The following SHISA9 variants were observed in gnomAD, a reference collection of about 807,000 sequenced individuals.
The protein encoded by SHISA9 is shisa family member 9.
SHISA9 carries 13 observed loss-of-function variants against 38.0 expected under a neutral mutation model. The ratio of observed to expected loss-of-function variants is 0.34; its 90% CI spans 0.22 to 0.54. The LOEUF is 0.54. Ranked by LOEUF, SHISA9 falls within the 20% of genes least tolerant of loss-of-function variation. The pLI is 0.91. For missense variants in SHISA9, 538 were observed against 575.8 expected (o/e 0.93, Z 0.67); for synonymous variants, 275 against 242.0 (o/e 1.14, Z -1.27).
the SHISA9 span, among the ~76,000 whole-genome samples, chr16:13,547,064 A>T: frequency 6.6e-6 from 1 of 152,196 alleles, no homozygotes; most frequent in African/African-American, 2.4e-5. Context: ...TACTTCGGAG[A>T]TATCATTATG....
rs149183093 is a variant in SHISA9, at chr16:13,087,085, T to C, written c.692-116309T>C. Among the ~76,000 whole-genome samples, 1,224 of 150,758 alleles carry C rather than the reference T, an allele frequency of 8.1e-3. 14 individuals carry two copies. Among genetic ancestry groups the C allele is most frequent in the African/African-American group, 0.027 (1,098 of 41,032 alleles). ...GGTGTTTGGTTTTCTGTCCTTGTGATAGTTTGCTGAGAATCATGGTTTCCA... is the reference window on the plus strand; with the variant it reads ...GGTGTTTGGTTTTCTGTCCTTGTGACAGTTTGCTGAGAATCATGGTTTCCA... On this transcript the variant is annotated intron_variant, in intron 2 of 4. Coordinates refer to ENST00000558583, the MANE Select transcript of SHISA9 (RefSeq NM_001145204.3).
At chr16:13,311,933 T>G in the SHISA9 span, among the ~76,000 whole-genome samples, 3 of 152,234 alleles carry the variant, frequency 2.0e-5, no homozygotes, top group Non-Finnish European at 4.4e-5. Flanking sequence ...GAACCCTGCC[T>G]GTAACATATT....
At chr16:13,393,110 G>C in the SHISA9 span, among the ~76,000 whole-genome samples, 1 of 152,306 alleles carries the variant, frequency 6.6e-6, no homozygotes, top group East Asian at 1.9e-4. Flanking sequence ...GAACCAATCA[G>C]CTGGCCCCAT....
At chr16:13,265,303 C>T in the SHISA9 span, among the ~76,000 whole-genome samples, 145 of 124,124 alleles carry the variant, frequency 1.2e-3, 1 homozygote, top group Non-Finnish European at 2.2e-3. Context: ...TCCTTCCCTC[C>T]CCTCTGCCCT....
At chr16:13,296,720 G>A in the SHISA9 span, among the ~76,000 whole-genome samples, 191 of 151,540 alleles carry the variant, frequency 1.3e-3, 3 homozygotes, top group East Asian at 0.029. Context: ...GTAAAACTCC[G>A]TCTCTACTAA....
chr16:13,315,099 A>C, the SHISA9 span, among the ~76,000 whole-genome samples: 1 of 152,130 alleles, frequency 6.6e-6, no homozygotes, highest in Non-Finnish European at 1.5e-5. Context: ...TGCTGTTGGC[A>C]TCTCAGATGC....
chr16:13,537,971 G>A, the SHISA9 span, among the ~76,000 whole-genome samples: 1 of 152,122 alleles, frequency 6.6e-6, no homozygotes, highest in African/African-American at 2.4e-5. Context: ...CATCTTTTTT[G>A]TATTTAATTT....
intron 2 of SHISA9, among the ~76,000 whole-genome samples, chr16:13,145,382 C>T: frequency 6.6e-6 from 1 of 152,128 alleles, no homozygotes; most frequent in Non-Finnish European, 1.5e-5. Flanking sequence ...AAAAAATTAG[C>T]CAGGTGTGGT....
At chr16:13,486,360 G>A in the SHISA9 span, among the ~76,000 whole-genome samples, 4 of 152,174 alleles carry the variant, frequency 2.6e-5, no homozygotes, top group African/African-American at 9.7e-5. Context: ...TTAGACCTGA[G>A]GCCCAGCCAC....
In SHISA9 at chr16:12,962,855, C is replaced by T; in HGVS notation, c.691+46040C>T. Among the ~76,000 whole-genome samples, 2 of 152,196 alleles carry T rather than the reference C, an allele frequency of 1.3e-5. 1 individual carries two copies. The highest frequency in any genetic ancestry group is 3.9e-4 in the East Asian group (2 of 5,194). On this transcript the variant is annotated intron_variant, in intron 2 of 4. Transcript: ENST00000558583. ...CCCTTCCTAGGTGTATCTTGTTGGG[C>T]CTGACCAGGGGTAGCTGTGTGACCA...
chr16:13,517,583 G>T, the SHISA9 span, among the ~76,000 whole-genome samples: 1 of 152,126 alleles, frequency 6.6e-6, no homozygotes, highest in African/African-American at 2.4e-5. Context: ...CATCCCTGAA[G>T]GCAACTCAAT....
intron 2 of SHISA9, among the ~76,000 whole-genome samples, chr16:12,986,109 C>T (rs1025775139): frequency 8.6e-5 from 13 of 150,920 alleles, no homozygotes; most frequent in Non-Finnish European, 1.6e-4. Flanking sequence ...TATTTTTTTT[C>T]ATAACTGGGA....
chr16:13,235,436 G>C lies in SHISA9; in HGVS notation c.*27G>C, dbSNP rs955749687. On this transcript the variant is annotated 3_prime_UTR_variant, in exon 5 of 5. Coordinates refer to ENST00000558583, the MANE Select transcript of SHISA9 (RefSeq NM_001145204.3). ...CTTTCACCACAGGGAGCACCCTGGA[G>C]ACCACACTCAACTGAGAGAGGCAAA... 6.6e-7 allele frequency: 1 copy of C among 1,518,440 alleles called. No homozygotes were observed. The highest frequency in any genetic ancestry group is 8.8e-7 in the Non-Finnish European group (1 of 1,136,622). The allele number at this position is 1,518,440 out of a possible 1,614,324, so 94.1% of individuals were successfully genotyped here.
the SHISA9 span, chr16:13,350,277 C>T: frequency 6.6e-6 from 1 of 152,258 alleles, no homozygotes; most frequent in East Asian, 1.9e-4. Context: ...CCTGGGTTCT[C>T]AAGGTTTTGG....
At chr16:13,364,418 G>A in the SHISA9 span, among the ~76,000 whole-genome samples, 4 of 152,188 alleles carry the variant, frequency 2.6e-5, no homozygotes, top group Non-Finnish European at 5.9e-5. Context: ...AGATATTTTT[G>A]CATTCAGCAT....
At chr16:13,309,918 A>C in the SHISA9 span, among the ~76,000 whole-genome samples, 1 of 151,924 alleles carries the variant, frequency 6.6e-6, no homozygotes, top group Admixed American at 6.6e-5. Flanking sequence ...ACAGAGTCTC[A>C]CTCTTGTTGC....
chr16:13,223,036 A>G (rs2051244252), intron 4 of SHISA9, among the ~76,000 whole-genome samples: 1 of 152,100 alleles, frequency 6.6e-6, no homozygotes, highest in South Asian at 2.1e-4. Flanking sequence ...TTTAGTTTCA[A>G]TTTTATAGGT....
intron 4 of SHISA9, among the ~76,000 whole-genome samples, chr16:13,227,294 TTTGGTTACTGA>T (rs1567256783): frequency 6.6e-6 from 1 of 152,152 alleles, no homozygotes; most frequent in Non-Finnish European, 1.5e-5. Context: ...AGGAGGCCAG[TTTGGTTACTGA>T]AGTAGAACAA....
chr16:13,053,050 G>T (rs1013257656), intron 2 of SHISA9, among the ~76,000 whole-genome samples: 1 of 139,342 alleles, frequency 7.2e-6, no homozygotes, highest in Non-Finnish European at 1.5e-5. Context: ...TGCAACCTCC[G>T]CCTGCCAGGT....
Sources: gnomAD v4.1 joint callset for allele counts (sites outside exome capture counted in the v4.1 genomes callset) on GRCh38, gnomAD v4.1.1 for gene constraint, MANE v1.5 for transcripts, NCBI Gene and HGNC (gene_info 2026-07-23, HGNC 2026-07-21) for gene names.